Variants in CTNNA2 observed in about 807,000 individuals in gnomAD.
The protein encoded by CTNNA2 is catenin alpha 2.
A neutral mutation model predicts 101.0 loss-of-function variants in CTNNA2; 42 were observed. The observed-to-expected ratio is 0.42, with a 90% CI of 0.32 to 0.54. The LOEUF (loss-of-function observed/expected upper bound fraction) is 0.54, where lower values mean the gene tolerates loss of function less well. CTNNA2 is among the 20% of genes least tolerant of loss of function. CTNNA2 has a pLI of 0.14. For synonymous variants in CTNNA2, 450 were observed against 456.4 expected, an observed-to-expected ratio of 0.99 and a Z score of 0.18; for missense variants, 871 against 1,223.1, an observed-to-expected ratio of 0.71 and a Z score of 4.29.
At chr2:79,530,304 C>T (rs1183621193) in intron 1 of CTNNA2, among the ~76,000 whole-genome samples, 1 of 152,114 alleles carries the variant, frequency 6.6e-6, no homozygotes, top group African/African-American at 2.4e-5. Context: ...AGCAGCATTT[C>T]TTGTTAACAG....
At chr2:79,253,663 C>T (rs879334661) in intron 2 of CTNNA2, among the ~76,000 whole-genome samples, 9 of 152,324 alleles carry the variant, frequency 5.9e-5, no homozygotes, top group Non-Finnish European at 8.8e-5. Context: ...AAGGAAGGAA[C>T]CATCTTTCCT....
At chr2:80,270,761 G>A (rs976129479) in intron 7 of CTNNA2, among the ~76,000 whole-genome samples, 1 of 152,170 alleles carries the variant, frequency 6.6e-6, no homozygotes, top group African/African-American at 2.4e-5. Context: ...GACTTCAGAA[G>A]AAGATTTTTA....
chr2:79,944,747 T>G (rs1030733), intron 7 of CTNNA2, among the ~76,000 whole-genome samples: 139,902 of 152,268 alleles, frequency 0.92, 64,338 homozygotes, highest in East Asian at 0.95. Flanking sequence ...CAAATTATAT[T>G]CATTAATCAT....
At chr2:79,989,273 C>T (rs556003) in intron 7 of CTNNA2, among the ~76,000 whole-genome samples, 83,874 of 151,954 alleles carry the variant, frequency 0.55, 23,651 homozygotes, top group Non-Finnish European at 0.62. Context: ...GTCTCTTAGC[C>T]TGCTCTCGGC....
chr2:80,468,445 G>A (rs777985143), intron 9 of CTNNA2, among the ~76,000 whole-genome samples: 1 of 151,954 alleles, frequency 6.6e-6, no homozygotes, highest in African/African-American at 2.4e-5. Flanking sequence ...TTGAGATGGA[G>A]CCTGGCTCTG....
At chr2:80,346,219 A>C (rs2149288094) in intron 7 of CTNNA2, among the ~76,000 whole-genome samples, 1 of 152,328 alleles carries the variant, frequency 6.6e-6, no homozygotes, top group Admixed American at 6.5e-5. Context: ...GTGACTGTGT[A>C]ATTTATAAGA....
At chr2:79,375,184 T>C (rs960601) in intron 4 of CTNNA2, among the ~76,000 whole-genome samples, 120,107 of 152,048 alleles carry the variant, frequency 0.79, 47,631 homozygotes, top group African/African-American at 0.84. Context: ...TTTAATTTTT[T>C]AAAAAACCAT....
At chr2:80,411,057 A>G (rs1051673134) in intron 8 of CTNNA2, among the ~76,000 whole-genome samples, 1 of 152,222 alleles carries the variant, frequency 6.6e-6, no homozygotes, top group African/African-American at 2.4e-5. Context: ...CATAATTACC[A>G]TATCAAAGCG....
At chr2:80,213,176 A>C (rs1347694216) in intron 7 of CTNNA2, among the ~76,000 whole-genome samples, 1 of 151,994 alleles carries the variant, frequency 6.6e-6, no homozygotes, top group Non-Finnish European at 1.5e-5. Flanking sequence ...TACTGGATTC[A>C]TTGATTTTTT....
chr2:79,736,881 T>G (rs536763618), intron 2 of CTNNA2, among the ~76,000 whole-genome samples: 1 of 152,286 alleles, frequency 6.6e-6, no homozygotes, highest in East Asian at 1.9e-4. Context: ...TCTGGAGAGC[T>G]CAACAATTTC....
At chr2:80,163,069 C>A in intron 7 of CTNNA2, 2 of 1,569,816 alleles carry the variant, frequency 1.3e-6, no homozygotes, top group Non-Finnish European at 1.8e-6. Flanking sequence ...ACAGATACTT[C>A]ATGTTTGAAA....
At chr2:79,737,284 G>A (rs1290384474) in intron 2 of CTNNA2, among the ~76,000 whole-genome samples, 1 of 151,904 alleles carries the variant, frequency 6.6e-6, no homozygotes, top group Non-Finnish European at 1.5e-5. Flanking sequence ...AGGAGATAGA[G>A]GTTGCGGTGC....
intron 7 of CTNNA2, among the ~76,000 whole-genome samples, chr2:80,358,024 G>A (rs1222120739): frequency 6.6e-6 from 1 of 152,134 alleles, no homozygotes; most frequent in Admixed American, 6.5e-5. Flanking sequence ...GCTCTGTGGG[G>A]GCAGACACTA....
chr2:80,424,885 C>G (rs1367611354), intron 9 of CTNNA2, among the ~76,000 whole-genome samples: 3 of 152,180 alleles, frequency 2.0e-5, no homozygotes, highest in African/African-American at 4.8e-5. Flanking sequence ...GCTCCAAGCT[C>G]GCTTCTTTGA....
At chr2:79,570,173 A>G (rs995829102) in intron 1 of CTNNA2, among the ~76,000 whole-genome samples, 3 of 152,134 alleles carry the variant, frequency 2.0e-5, no homozygotes, top group African/African-American at 7.2e-5. Flanking sequence ...TACCCACTGT[A>G]ATATATTATT....
chr2:79,847,572 A>G, intron 3 of CTNNA2, among the ~76,000 whole-genome samples: 1 of 147,618 alleles, frequency 6.8e-6, no homozygotes, highest in African/African-American at 2.5e-5. Context: ...AAAAAAAAAA[A>G]GCTAGAACAA....
chr2:79,882,335 G>A (rs1296208465), intron 6 of CTNNA2, among the ~76,000 whole-genome samples: 1 of 152,194 alleles, frequency 6.6e-6, no homozygotes, highest in Non-Finnish European at 1.5e-5. Context: ...TAACACCACA[G>A]ACACTGTGGC....
intron 8 of CTNNA2, among the ~76,000 whole-genome samples, chr2:80,416,743 ATTCTTAAAATATTTTAT>A (rs944518067): frequency 1.3e-5 from 2 of 152,022 alleles, no homozygotes; most frequent in African/African-American, 4.8e-5. Flanking sequence ...AGATATTTTA[ATTCTTAAAATATTTTAT>A]TTCTTAAAAT....
At chr2:80,307,914 G>A (rs1463236775) in intron 7 of CTNNA2, among the ~76,000 whole-genome samples, 1 of 152,232 alleles carries the variant, frequency 6.6e-6, no homozygotes, top group Non-Finnish European at 1.5e-5. Flanking sequence ...TGGGAAGGAA[G>A]TCTGGGTTAT....
Sources: gnomAD v4.1 joint callset for allele counts (sites outside exome capture counted in the v4.1 genomes callset) on GRCh38, gnomAD v4.1.1 for gene constraint, MANE v1.5 for transcripts, NCBI Gene and HGNC (gene_info 2026-07-23, HGNC 2026-07-21) for gene names.